COL4A3: variants seen among roughly 807,000 people sequenced by gnomAD.
COL4A3 encodes the protein collagen alpha-3(IV) chain.
A neutral mutation model predicts 217.4 loss-of-function variants in COL4A3; 135 were observed. The ratio of observed to expected loss-of-function variants is 0.62; its 90% CI spans 0.54 to 0.72. The LOEUF is 0.72. Among genes scored for constraint, COL4A3 ranks in the 30% least tolerant of loss-of-function variants. The pLI is 0.00. For synonymous variants in COL4A3, 690 were observed against 736.3 expected (o/e 0.94, Z 1.02); for missense variants, 1,868 against 2,119.9 (o/e 0.88, Z 2.33).
chr2:227,284,358 T>C lies in COL4A3; in HGVS notation c.2881+13T>C. The stretch of plus-strand genomic sequence containing the variant: ...CCAGGTCTCAAAGGTAAAGAATTGC[T>C]TGTTTGGAATCAGGACATCAGAGCT... On this transcript the variant is annotated intron_variant, in intron 34 of 51. Transcript: ENST00000396578. 1 of 1,611,648 alleles carries C rather than the reference T, an allele frequency of 6.2e-7. No individual in the cohort carries two copies. Among genetic ancestry groups the C allele is most frequent in the Non-Finnish European group, 8.5e-7 (1 of 1,178,968 alleles).
chr2:227,292,041 A>C (rs573281160), intron 37 of COL4A3, among the ~76,000 whole-genome samples: 32 of 152,372 alleles, frequency 2.1e-4, no homozygotes, highest in African/African-American at 7.5e-4. Context: ...CTTGAAACTA[A>C]ATGCAAAATG....
In COL4A3 at chr2:227,164,684, T is replaced by C. The variant is rs2065136460; in HGVS notation, c.-43T>C. On this transcript the variant is annotated 5_prime_UTR_variant, in exon 1 of 52. Transcript: ENST00000396578. This position sits in a 1 kb window ranked among gnomAD's most constrained non-coding sequence, Gnocchi z 4.8. The stretch of plus-strand genomic sequence containing the variant: ...CAGGAGACGCGGTGGCCTGAGAGCC[T>C]GAGGGTCCCCGGACTCGCCCAGGCT... 2 of 1,529,170 alleles carry C rather than the reference T, an allele frequency of 1.3e-6. No individual in the cohort carries two copies. Among genetic ancestry groups the C allele is most frequent in the Non-Finnish European group, 1.7e-6 (2 of 1,144,682 alleles). 94.7% of individuals were successfully genotyped at this position (1,529,170 alleles called of 1,614,324 possible).
intron 1 of COL4A3, among the ~76,000 whole-genome samples, chr2:227,189,721 T>C (rs2066160096): frequency 1.3e-5 from 2 of 152,190 alleles, no homozygotes; most frequent in African/African-American, 4.8e-5. Flanking sequence ...TTACATATAT[T>C]TATTTGCTTC....
chr2:227,207,481 A>G (rs890735996), intron 1 of COL4A3, among the ~76,000 whole-genome samples: 1 of 152,072 alleles, frequency 6.6e-6, no homozygotes, highest in Non-Finnish European at 1.5e-5. Flanking sequence ...GTGGTTTGGT[A>G]TAATTAAAGT....
At chr2:227,281,110 G>A in intron 31 of COL4A3, 104 bp downstream of exon 31, 1 of 773,594 alleles carries the variant, frequency 1.3e-6, no homozygotes, top group Non-Finnish European at 2.3e-6. Context: ...CACAAGTCCT[G>A]ACCACTGTTC....
At chr2:227,229,786 C>A (rs572777396) in intron 1 of COL4A3, among the ~76,000 whole-genome samples, 128 of 152,202 alleles carry the variant, frequency 8.4e-4, no homozygotes, top group African/African-American at 2.9e-3. Flanking sequence ...CGGTGGCTCA[C>A]GCCTGTAATC....
chr2:227,210,671 A>G (rs980351965), intron 1 of COL4A3, among the ~76,000 whole-genome samples: 1 of 152,272 alleles, frequency 6.6e-6, no homozygotes, highest in African/African-American at 2.4e-5. Context: ...AGGTGCACAC[A>G]TATGCGTTAA....
rs777604057 is a variant in COL4A3, at chr2:227,294,984, T to G, written c.3439T>G (p.Ser1147Ala). 6.3e-7 allele frequency: 1 copy of G among 1,596,418 alleles called. No homozygotes were observed. The highest frequency in any genetic ancestry group is 1.7e-5 in the Admixed American group (1 of 59,788). Residue 1147 changes from serine (S) to alanine (A), a missense_variant, in exon 40 of 52, where the codon TCT (serine) becomes GCT (alanine). Physicochemically the swap from Ser to Ala is moderately conservative, Grantham distance 99 (BLOSUM62 1). This residue lies in a region of COL4A3 where 1,503 missense variants were observed against 1,786.1 expected (regional missense o/e 0.84). Coordinates refer to ENST00000396578, the MANE Select transcript of COL4A3 (RefSeq NM_000091.5). ...GPPGLPGFPG[S>A]PGPMGIRGDQ... Reference sequence around the variant, plus strand: ...TTCAGGTCTTCCAGGATTTCCAGGATCTCCTGGACCAATGGGTATAAGAGG... The same window carrying G: ...TTCAGGTCTTCCAGGATTTCCAGGAGCTCCTGGACCAATGGGTATAAGAGG...
intron 51 of COL4A3, among the ~76,000 whole-genome samples, chr2:227,311,156 T>C (rs1475244892): frequency 6.6e-6 from 1 of 152,216 alleles, no homozygotes; most frequent in Admixed American, 6.5e-5. Flanking sequence ...CGATCTCTCA[T>C]CTGAATTTAC....
chr2:227,193,771 A>G (rs181477406), intron 1 of COL4A3, among the ~76,000 whole-genome samples: 7,555 of 23,358 alleles, frequency 0.32, 1,631 homozygotes, highest in East Asian at 0.46. Context: ...GAAGGAAGGA[A>G]GGAAGGAAGG....
chr2:227,249,230 A>ATATATATATATTTTTTTTTT, intron 9 of COL4A3, among the ~76,000 whole-genome samples: 3 of 14,690 alleles, frequency 2.0e-4, no homozygotes, highest in African/African-American at 2.7e-4. Flanking sequence ...ATATATATAT[A>ATATATATATATTTTTTTTTT]TTTTTTTTTT....
At chr2:227,213,771 A>G (rs1028057133) in intron 1 of COL4A3, among the ~76,000 whole-genome samples, 2 of 151,814 alleles carry the variant, frequency 1.3e-5, no homozygotes, top group African/African-American at 4.8e-5. Flanking sequence ...GTATGGTGAC[A>G]AGTGCCCGTA....
intron 1 of COL4A3, among the ~76,000 whole-genome samples, chr2:227,201,770 G>A (rs2066696036): frequency 6.6e-6 from 1 of 152,138 alleles, no homozygotes; most frequent in African/African-American, 2.4e-5. Flanking sequence ...AACTGTATGT[G>A]TTTCTCCTAT....
rs534650372 is a variant in COL4A3, at chr2:227,206,375, C to A, written c.88-31593C>A. 2.0e-5 allele frequency among the ~76,000 whole-genome samples: 3 copies of A among 152,098 alleles called. No homozygotes were observed. The East Asian group carries it at 5.8e-4, about 29-fold the overall frequency. ...GGCCTGAGCCACTGTGCCCCGCCCC[C>A]TCAGGTGATTCTAATGTGCAAGGAG... On this transcript the variant is annotated intron_variant, in intron 1 of 51. Transcript: ENST00000396578.
intron 1 of COL4A3, among the ~76,000 whole-genome samples, chr2:227,173,063 C>G (rs944757896): frequency 6.6e-6 from 1 of 152,136 alleles, no homozygotes; most frequent in African/African-American, 2.4e-5. Context: ...TGCCCCTGGT[C>G]TCAAGATGTA....
chr2:227,309,799 G>GT (rs973184502), intron 50 of COL4A3, among the ~76,000 whole-genome samples: 75 of 151,904 alleles, frequency 4.9e-4, no homozygotes, highest in Middle Eastern at 6.8e-3. Flanking sequence ...TGTTTGTTTT[G>GT]TTTTTTTAGT....
intron 1 of COL4A3, among the ~76,000 whole-genome samples, chr2:227,211,269 G>A (rs2067311322): frequency 6.6e-6 from 1 of 152,174 alleles, no homozygotes; most frequent in African/African-American, 2.4e-5. Context: ...AAAGTACAGG[G>A]ATTACAAGTG....
At chr2:227,172,441 T>C (rs963004087) in intron 1 of COL4A3, among the ~76,000 whole-genome samples, 1 of 152,088 alleles carries the variant, frequency 6.6e-6, no homozygotes, top group African/African-American at 2.4e-5. Flanking sequence ...ACAAGGTAGT[T>C]CGGCGGGGGT....
At chr2:227,208,862 A>AAG (rs2067205917) in intron 1 of COL4A3, among the ~76,000 whole-genome samples, 1 of 151,562 alleles carries the variant, frequency 6.6e-6, no homozygotes, top group Non-Finnish European at 1.5e-5. Context: ...AAAACAAAGA[A>AAG]AGAGGAGGGA....
Sources: allele counts gnomAD v4.1 joint callset (sites outside exome capture counted in the v4.1 genomes callset), GRCh38; gene constraint gnomAD v4.1.1; regional missense constraint gnomAD v4.1.1; non-coding constraint Gnocchi (gnomAD v3.1); transcripts MANE v1.5; gene names NCBI Gene and HGNC (gene_info 2026-07-23, HGNC 2026-07-21).